RBFOX2: variants seen among roughly 807,000 people sequenced by gnomAD.
The protein encoded by RBFOX2 is RNA binding fox-1 homolog 2.
Under a neutral mutation model 49.1 loss-of-function variants are expected in RBFOX2, and 10 were observed. The observed-to-expected ratio is 0.20, with a 90% CI of 0.13 to 0.35. RBFOX2 has a LOEUF of 0.35. Ranked by LOEUF, RBFOX2 falls within the 10% of genes least tolerant of loss-of-function variation. The pLI, the probability that RBFOX2 is intolerant of heterozygous loss-of-function variation, is 1.00. For synonymous variants in RBFOX2, 183 were observed against 187.4 expected (o/e 0.98, Z 0.19); for missense variants, 323 against 486.9 (o/e 0.66, Z 3.17).
intron 1 of RBFOX2, among the ~76,000 whole-genome samples, chr22:35,846,912 G>A (rs568981642): frequency 6.6e-6 from 1 of 152,154 alleles, no homozygotes; most frequent in Non-Finnish European, 1.5e-5. Context: ...TCCTCCAACT[G>A]CCCCATTCAC....
At chr22:35,920,349 A>G (rs1385413813) in intron 1 of RBFOX2, among the ~76,000 whole-genome samples, 1 of 152,196 alleles carries the variant, frequency 6.6e-6, no homozygotes, top group African/African-American at 2.4e-5. Flanking sequence ...TATGTCAAAA[A>G]GCCAACAATA....
chr22:35,885,774 C>A (rs553425638), intron 1 of RBFOX2, among the ~76,000 whole-genome samples: 2 of 151,112 alleles, frequency 1.3e-5, no homozygotes, highest in Admixed American at 6.6e-5. Context: ...AGTAAAACAC[C>A]GTACAAGTTA....
upstream of RBFOX2, among the ~76,000 whole-genome samples, chr22:35,964,366 T>C (rs1029461389): frequency 6.6e-6 from 1 of 152,240 alleles, no homozygotes; most frequent in Non-Finnish European, 1.5e-5. Flanking sequence ...AGGCACTCAA[T>C]ACTTATTAAT....
chr22:35,948,385 T>C (rs1261455321), intron 1 of RBFOX2, among the ~76,000 whole-genome samples: 4 of 152,154 alleles, frequency 2.6e-5, no homozygotes, highest in Non-Finnish European at 2.9e-5. Flanking sequence ...CAAAATTATA[T>C]TTTGAAGTAC....
chr22:35,902,503 T>C (rs983732902), intron 1 of RBFOX2, among the ~76,000 whole-genome samples: 5 of 152,132 alleles, frequency 3.3e-5, no homozygotes, highest in African/African-American at 7.2e-5. Context: ...AAACCTCAAA[T>C]GGACACTCAA....
upstream of RBFOX2, among the ~76,000 whole-genome samples, chr22:35,842,795 G>A (rs2040676736): frequency 6.6e-6 from 1 of 151,932 alleles, no homozygotes; most frequent in Non-Finnish European, 1.5e-5. Flanking sequence ...GCCCCAAGGA[G>A]TTTTTTTGTT....
chr22:35,867,493 T>C lies in RBFOX2; in HGVS notation c.-33-57489A>G, dbSNP rs142398660. On this transcript the variant is annotated intron_variant, in intron 1 of 13. Coordinates refer to the RBFOX2 transcript ENST00000359369. ...GGGCTTTACAATGTATTCTTTGCGT[T>C]TACTAGACACACAATTGCTCACACC... Among the ~76,000 whole-genome samples the C allele has an allele frequency of 2.6e-5, 4 of 152,322 alleles. No homozygotes were observed. In the East Asian group the frequency reaches 7.7e-4, roughly 29 times the overall value.
intron 1 of RBFOX2, among the ~76,000 whole-genome samples, chr22:35,921,770 A>G (rs976316024): frequency 4.6e-5 from 7 of 152,234 alleles, no homozygotes; most frequent in Non-Finnish European, 8.8e-5. Context: ...ATGCAGACAC[A>G]GATCAGACAA....
chr22:35,892,182 T>G (rs1182041605), intron 1 of RBFOX2, among the ~76,000 whole-genome samples: 1 of 152,160 alleles, frequency 6.6e-6, no homozygotes, highest in Non-Finnish European at 1.5e-5. Flanking sequence ...TTCACAACAA[T>G]CCTGAGTGCC....
intron 1 of RBFOX2, among the ~76,000 whole-genome samples, chr22:36,025,655 A>G (rs1233785173): frequency 6.6e-6 from 1 of 152,198 alleles, no homozygotes; most frequent in African/African-American, 2.4e-5. Context: ...CTTTAAAAAA[A>G]ACTTTTCGCC....
chr22:35,933,266 C>A (rs970370971), intron 1 of RBFOX2, among the ~76,000 whole-genome samples: 1 of 152,174 alleles, frequency 6.6e-6, no homozygotes, highest in Non-Finnish European at 1.5e-5. Flanking sequence ...AGCCACCTAG[C>A]TGAACTATTG....
intron 1 of RBFOX2, among the ~76,000 whole-genome samples, chr22:35,879,108 T>G (rs2045544773): frequency 6.6e-6 from 1 of 152,248 alleles, no homozygotes; most frequent in Non-Finnish European, 1.5e-5. Flanking sequence ...AAGGCCTTAT[T>G]GAATAGGAAA....
intron 1 of RBFOX2, among the ~76,000 whole-genome samples, chr22:35,926,496 A>G (rs2051657989): frequency 6.6e-6 from 1 of 152,250 alleles, no homozygotes; most frequent in African/African-American, 2.4e-5. Flanking sequence ...AAAGTCAATC[A>G]GTGAAATTAT....
chr22:35,947,719 A>G (rs1232610430), intron 1 of RBFOX2, among the ~76,000 whole-genome samples: 1 of 150,888 alleles, frequency 6.6e-6, no homozygotes, highest in Non-Finnish European at 1.5e-5. Context: ...TCTTAAAAAA[A>G]CCTTATAGAA....
chr22:35,990,759 T>G (rs2150107974), intron 1 of RBFOX2, among the ~76,000 whole-genome samples: 2 of 152,270 alleles, frequency 1.3e-5, no homozygotes, highest in South Asian at 4.2e-4. Flanking sequence ...GAGCTACAAG[T>G]TTTTGTTCAT....
At chr22:35,755,831 G>C (rs1435016238) in intron 9 of RBFOX2, among the ~76,000 whole-genome samples, 1 of 152,026 alleles carries the variant, frequency 6.6e-6, no homozygotes, top group African/African-American at 2.4e-5. Context: ...TGTGGGTATA[G>C]GGAAGGGAAA....
At chr22:35,757,294 C>G (rs922565031) in intron 9 of RBFOX2, among the ~76,000 whole-genome samples, 5 of 151,272 alleles carry the variant, frequency 3.3e-5, no homozygotes, top group African/African-American at 4.9e-5. Flanking sequence ...TTCTGAGGTA[C>G]CTTTGTGCAT....
intron 1 of RBFOX2, among the ~76,000 whole-genome samples, chr22:35,835,895 G>C (rs1012484119): frequency 1.3e-5 from 2 of 151,928 alleles, no homozygotes; most frequent in South Asian, 2.1e-4. Context: ...TGAAGATATG[G>C]AGCAATGTAG....
intron 1 of RBFOX2, among the ~76,000 whole-genome samples, chr22:35,900,244 G>T (rs568533010): frequency 3.6e-4 from 55 of 152,246 alleles, no homozygotes; most frequent in African/African-American, 1.3e-3. Flanking sequence ...CTCCCAAGTG[G>T]CTGGGATTAC....
Sources: gnomAD v4.1 joint callset for allele counts (sites outside exome capture counted in the v4.1 genomes callset) on GRCh38, gnomAD v4.1.1 for gene constraint, MANE v1.5 for transcripts, NCBI Gene and HGNC (gene_info 2026-07-23, HGNC 2026-07-21) for gene names.